Variants in MAMDC2 observed in about 807,000 individuals in gnomAD.
The protein encoded by MAMDC2 is MAM domain-containing protein 2.
MAMDC2 carries 57 observed loss-of-function variants against 89.8 expected under a neutral mutation model. The ratio of observed to expected loss-of-function variants is 0.63; its 90% CI spans 0.51 to 0.79. The LOEUF (loss-of-function observed/expected upper bound fraction) is 0.79. MAMDC2 is among the 30% of genes least tolerant of loss of function. MAMDC2 has a pLI of 0.00. For synonymous variants in MAMDC2, 313 were observed against 293.4 expected, an observed-to-expected ratio of 1.07 and a Z score of -0.68; for missense variants, 800 against 820.6, an observed-to-expected ratio of 0.97 and a Z score of 0.31.
chr9:70,207,772 A>G (rs894187832), intron 11 of MAMDC2, among the ~76,000 whole-genome samples: 3 of 152,148 alleles, frequency 2.0e-5, no homozygotes, highest in Admixed American at 6.5e-5. Context: ...TAGGTCTAAC[A>G]TTTAAGTTTT....
intron 2 of MAMDC2, among the ~76,000 whole-genome samples, chr9:70,068,446 A>AGT (rs1348418375): frequency 6.6e-6 from 1 of 152,078 alleles, no homozygotes; most frequent in East Asian, 1.9e-4. Flanking sequence ...GGCCAGGTAC[A>AGT]GTGGCTCATG....
At chr9:70,122,184 C>G (rs2030315644) in intron 5 of MAMDC2, among the ~76,000 whole-genome samples, 1 of 152,182 alleles carries the variant, frequency 6.6e-6, no homozygotes, top group South Asian at 2.1e-4. Flanking sequence ...GCGGTCTAGT[C>G]TGGTGGTTCT....
At chr9:70,104,185 A>G (rs1828273881) in intron 2 of MAMDC2, among the ~76,000 whole-genome samples, 1 of 152,246 alleles carries the variant, frequency 6.6e-6, no homozygotes, top group Non-Finnish European at 1.5e-5. Flanking sequence ...GCCAATAAGC[A>G]TATGAAAGAT....
intron 11 of MAMDC2, among the ~76,000 whole-genome samples, chr9:70,184,136 A>T (rs548318899): frequency 6.6e-6 from 1 of 152,178 alleles, no homozygotes; most frequent in Non-Finnish European, 1.5e-5. Flanking sequence ...TCCTTCACTT[A>T]TGAAGCTTAG....
At position 70,179,122 on chromosome 9, in the gene MAMDC2, A is replaced by C. The variant is rs148826135; in HGVS notation, c.1651+8491A>C. Among the ~76,000 whole-genome samples, 6 of 152,156 alleles carry C rather than the reference A, an allele frequency of 3.9e-5. No homozygotes were observed. In the East Asian group the frequency reaches 1.2e-3, roughly 30 times the overall value. ...CATTGGTTAAGACGTTATTGTAAAA[A>C]ACGTATTTACTTAAAATTAAATGTA... On this transcript the variant is annotated intron_variant, in intron 11 of 13. Transcript: ENST00000377182.
chr9:70,193,688 CAA>C (rs2032926804), intron 11 of MAMDC2, among the ~76,000 whole-genome samples: 1 of 152,136 alleles, frequency 6.6e-6, no homozygotes, highest in African/African-American at 2.4e-5. Flanking sequence ...GTAATAAACT[CAA>C]AGACTTGGCT....
At chr9:70,222,272 G>C (rs974984664) in intron 12 of MAMDC2, among the ~76,000 whole-genome samples, 1 of 152,200 alleles carries the variant, frequency 6.6e-6, no homozygotes, top group Non-Finnish European at 1.5e-5. Context: ...AGTGTGTGCA[G>C]GAAGAAAATT....
At chr9:70,108,839 ATCT>A (rs1226646602) in intron 3 of MAMDC2, among the ~76,000 whole-genome samples, 1 of 152,194 alleles carries the variant, frequency 6.6e-6, no homozygotes, top group African/African-American at 2.4e-5. Context: ...GTGTTTGTTT[ATCT>A]TCTTAATCAT....
In MAMDC2 at chr9:70,151,399, G is replaced by A. The variant is rs140685714; in HGVS notation, c.1404+7580G>A. On this transcript the variant is annotated intron_variant, in intron 9 of 13. Transcript: ENST00000377182. ...CAGCCTTCATGAGGACAGGGACCTTGTCGGTCTTGTTCATCTCTGTATCCA... is the reference window on the plus strand; with the variant it reads ...CAGCCTTCATGAGGACAGGGACCTTATCGGTCTTGTTCATCTCTGTATCCA... Among the ~76,000 whole-genome samples the A allele has an allele frequency of 3.3e-4, 51 of 152,350 alleles. 1 individual carries two copies. Among genetic ancestry groups the A allele is most frequent in the African/African-American group, 1.2e-3 (49 of 41,586 alleles).
chr9:70,152,567 T>C (rs534947259), intron 9 of MAMDC2, among the ~76,000 whole-genome samples: 2 of 152,070 alleles, frequency 1.3e-5, no homozygotes, highest in Non-Finnish European at 2.9e-5. Context: ...CTTTTTACAC[T>C]AAGCCTAGTG....
chr9:70,171,337 A>T (rs939168834), intron 11 of MAMDC2, among the ~76,000 whole-genome samples: 1 of 149,500 alleles, frequency 6.7e-6, no homozygotes, highest in Non-Finnish European at 1.5e-5. Context: ...TATCTTGACA[A>T]TTTTTTTTTT....
rs1034772672 is a variant in MAMDC2, at chr9:70,079,919, G to T, written c.149-28292G>T. On this transcript the variant is annotated intron_variant, in intron 2 of 13. Transcript: ENST00000377182. ...GTCGATTAAAACTGAATGAAAGTTT[G>T]TCTGCAAACAGAGCTTCTTGGTGGT... Among the ~76,000 whole-genome samples the T allele has an allele frequency of 2.0e-5, 3 of 152,144 alleles. 1 individual carries two copies. Among genetic ancestry groups the T allele is most frequent in the East Asian group, 3.9e-4 (2 of 5,186 alleles).
intron 2 of MAMDC2, chr9:70,090,543 G>A (rs1473045145): frequency 1.3e-5 from 2 of 150,694 alleles, no homozygotes; most frequent in African/African-American, 2.4e-5. Flanking sequence ...AAATTACAAT[G>A]GCACTGGGAT....
Position 70,076,282 on chromosome 9 carries a change from G to T in MAMDC2, c.148+31585G>T, listed in dbSNP as rs189649236. Among the ~76,000 whole-genome samples, 260 of 152,228 alleles carry T rather than the reference G, an allele frequency of 1.7e-3. 1 individual carries two copies. Among genetic ancestry groups the T allele is most frequent in the Non-Finnish European group, 3.1e-3 (213 of 67,996 alleles). ...CTAAAAATACAAAATTTAGCCGAGT[G>T]TGGTGGCAGGCACCTGTAGTTTCAG... On this transcript the variant is annotated intron_variant, in intron 2 of 13. Coordinates refer to ENST00000377182, the MANE Select transcript of MAMDC2 (RefSeq NM_153267.5).
At chr9:70,153,790 A>T (rs2031655711) in intron 9 of MAMDC2, 1 of 152,052 alleles carries the variant, frequency 6.6e-6, no homozygotes, top group Non-Finnish European at 1.5e-5. Context: ...ACCAGTTTTT[A>T]AAAATATAAA....
intron 2 of MAMDC2, among the ~76,000 whole-genome samples, chr9:70,079,920 T>A (rs1486835614): frequency 6.6e-6 from 1 of 152,168 alleles, no homozygotes; most frequent in Non-Finnish European, 1.5e-5. Flanking sequence ...TGAAAGTTTG[T>A]CTGCAAACAG....
rs140606796 is a variant in MAMDC2, at chr9:70,113,110, T to C, written c.621T>C (p.Asp207=). Residue 207 remains aspartate (D), a synonymous_variant, in exon 5 of 14, where the codon GAT becomes GAC. Transcript: ENST00000377182. The stretch of plus-strand genomic sequence containing the variant: ...ATGTCCACTCCATTCTCCCACAGGA[T>C]CACACCTTCAAGAGTGAACTGGGTG... ...IRNVHSILPQ[D]HTFKSELGHY... 2.8e-4 allele frequency: 455 copies of C among 1,614,054 alleles called. No homozygotes were observed. Among genetic ancestry groups the C allele is most frequent in the Non-Finnish European group, 3.8e-4 (443 of 1,179,980 alleles).
chr9:70,145,873 T>C (rs1179996712), intron 9 of MAMDC2, among the ~76,000 whole-genome samples: 2 of 151,988 alleles, frequency 1.3e-5, no homozygotes, highest in Non-Finnish European at 2.9e-5. Flanking sequence ...TGATAGAAGA[T>C]TAAGATATGT....
intron 3 of MAMDC2, chr9:70,109,372 C>G (rs533579646): frequency 1.3e-5 from 3 of 224,062 alleles, no homozygotes; most frequent in Non-Finnish European, 2.6e-5. Context: ...AAAGTGATTA[C>G]TTTCAGAAAC....
Sources: allele counts gnomAD v4.1 joint callset (sites outside exome capture counted in the v4.1 genomes callset), GRCh38; gene constraint gnomAD v4.1.1; transcripts MANE v1.5; gene names NCBI Gene and HGNC (gene_info 2026-07-23, HGNC 2026-07-21).